Variants in THOC2 observed in about 807,000 individuals in gnomAD.
THOC2 encodes the protein THO complex 2.
In THOC2, 10 loss-of-function variants were observed where a neutral mutation model predicts 128.4. That is an observed-to-expected ratio of 0.08 (90% CI 0.05 to 0.13). The LOEUF (loss-of-function observed/expected upper bound fraction) is 0.13, where lower values mean the gene tolerates loss of function less well. Among genes scored for constraint, THOC2 ranks in the 10% least tolerant of loss-of-function variants. The pLI, the probability that THOC2 is intolerant of heterozygous loss-of-function variation, is 1.00. For missense variants in THOC2, 535 were observed against 1,155.7 expected (o/e 0.46, Z 7.79); for synonymous variants, 393 against 396.9 (o/e 0.99, Z 0.12).
chrX:123,665,554 AT>A lies in THOC2; in HGVS notation c.1386+87del, dbSNP rs1301785336. On this transcript the variant is annotated intron_variant, in intron 12 of 38. Coordinates refer to ENST00000245838, the MANE Select transcript of THOC2 (RefSeq NM_001081550.2). ...TAACCCTTTATTAAATGAGGTTCAT[AT>A]TTTTATTTCTAAAGATACTCATAAC... 6.2e-6 allele frequency: 4 copies of A among 643,769 alleles called. No individual in the cohort carries two copies. The East Asian group carries it at 1.5e-4, about 24-fold the overall frequency. The allele number at this position is 643,769 out of a possible 1,213,427, so 53.1% of individuals were successfully genotyped here.
intron 8 of THOC2, 96 bp downstream of exon 8, chrX:123,686,447 CTGAGA>C (rs1320243829): frequency 7.6e-6 from 5 of 656,296 alleles, no homozygotes; most frequent in Non-Finnish European, 1.1e-5. Context: ...GCTAGAACAC[CTGAGA>C]TGAGACCAAT....
chrX:123,631,187 G>A (rs1159162059), intron 22 of THOC2, among the ~76,000 whole-genome samples: 2 of 111,751 alleles, frequency 1.8e-5, no homozygotes, highest in African/African-American at 6.5e-5. Flanking sequence ...ACCTCTGTCT[G>A]TCAAGAAATC....
chrX:123,697,764 A>G lies in THOC2; in HGVS notation c.275-13T>C, dbSNP rs1234587494. On this transcript the variant is annotated splice_polypyrimidine_tract_variant and intron_variant, in intron 4 of 38. Coordinates refer to ENST00000245838, the MANE Select transcript of THOC2 (RefSeq NM_001081550.2). ...TTTGTCTCAATGTCTATAATGATGA[A>G]GAAGAAAAAAGTTTGATTGATTTGT... The G allele has an allele frequency of 4.6e-6, 4 of 878,570 alleles. No individual in the cohort carries two copies. Among genetic ancestry groups the G allele is most frequent in the Non-Finnish European group, 4.8e-6 (3 of 631,001 alleles). The allele number at this position is 878,570 out of a possible 1,213,427, so 72.4% of individuals were successfully genotyped here.
Position 123,668,166 on chromosome X carries a change from A to G in THOC2, c.1010T>C (p.Val337Ala). The G allele has an allele frequency of 2.5e-6, 3 of 1,178,307 alleles. No homozygotes were observed. The South Asian group carries it at 5.8e-5, about 23-fold the overall frequency. Residue 337 changes from valine (V) to alanine (A), a missense_variant, in exon 10 of 39, where the codon GTA (valine) becomes GCA (alanine). By Grantham distance (64) the Val-to-Ala change is moderately conservative. This residue lies in a region of THOC2 where 197 missense variants were observed against 313.4 expected (regional missense o/e 0.63). Transcript: ENST00000245838. ...CTAGAATGAATTACATACTTTCTCT[A>G]CTTTCTCCTCTTCTTTTTCCTTTTC... Reference protein sequence around the residue: ...EKEKEKEEEKVEKPPDNQKLG... With the variant: ...EKEKEKEEEKAEKPPDNQKLG...
Position 123,697,758 on chromosome X carries a change from T to C in THOC2, c.275-7A>G, listed in dbSNP as rs1175350801. On this transcript the variant is annotated splice_polypyrimidine_tract_variant and splice_region_variant and intron_variant, in intron 4 of 38. Coordinates refer to ENST00000245838, the MANE Select transcript of THOC2 (RefSeq NM_001081550.2). ...AAACAATTTGTCTCAATGTCTATAA[T>C]GATGAAGAAGAAAAAAGTTTGATTG... 2 of 937,635 alleles carry C rather than the reference T, an allele frequency of 2.1e-6. No homozygotes were observed. The highest frequency in any genetic ancestry group is 3.3e-5 in the East Asian group (1 of 30,572). The allele number at this position is 937,635 out of a possible 1,213,427, so 77.3% of individuals were successfully genotyped here.
At chrX:123,715,019 C>CTT (rs368332983) in intron 1 of THOC2, among the ~76,000 whole-genome samples, 5,644 of 83,459 alleles carry the variant, frequency 0.068, 355 homozygotes, top group East Asian at 0.28. Context: ...GCAATAAAGG[C>CTT]TTTTTTTTTT....
intron 12 of THOC2, among the ~76,000 whole-genome samples, chrX:123,651,078 TG>T (rs1178594115): frequency 9.0e-6 from 1 of 111,375 alleles, no homozygotes; most frequent in African/African-American, 3.3e-5. Context: ...CCTCAGGACA[TG>T]CAAAATAATG....
intron 1 of THOC2, among the ~76,000 whole-genome samples, chrX:123,726,732 T>C (rs1413226900): frequency 8.9e-6 from 1 of 112,013 alleles, no homozygotes; most frequent in Non-Finnish European, 1.9e-5. Flanking sequence ...TAATTCTATA[T>C]TGTCAGTCAC....
chrX:123,621,679 AACTT>A (rs2047086700), intron 30 of THOC2, 92 bp from the exon 31 acceptor site: 2 of 710,509 alleles, frequency 2.8e-6, no homozygotes, highest in Admixed American at 7.6e-5. Context: ...GTTTCTTACT[AACTT>A]CAAAAATACT....
At chrX:123,683,493 T>G (rs989905609) in intron 8 of THOC2, among the ~76,000 whole-genome samples, 1 of 111,424 alleles carries the variant, frequency 9.0e-6, no homozygotes, top group Non-Finnish European at 1.9e-5. Flanking sequence ...CTGATTTTCA[T>G]AGCTTTCCTT....
In THOC2 at chrX:123,665,738, G is replaced by A. The variant is rs777449087; in HGVS notation, c.1290C>T (p.Asp430=). ...CAAGGTAACAGAACATATTGAACAC[G>A]TCTCTCCTCAAATCTTCAAAGCTCT... ...QAESFEDLRR[D]VFNMFCYLGP... The change falls in exon 12 of 39, where the codon GAC becomes GAT. Residue 430 remains aspartate, a synonymous_variant. Transcript: ENST00000245838. The A allele has an allele frequency of 7.5e-6, 9 of 1,201,417 alleles. No homozygotes were observed. The highest frequency in any genetic ancestry group is 3.6e-5 in the South Asian group (2 of 54,870).
At chrX:123,710,141 G>A (rs370050593) in intron 2 of THOC2, among the ~76,000 whole-genome samples, 2 of 111,848 alleles carry the variant, frequency 1.8e-5, no homozygotes, top group African/African-American at 6.5e-5. Context: ...TCAAACCAAC[G>A]CCTGCCTGTT....
At chrX:123,690,653 A>G (rs1192111994) in intron 7 of THOC2, among the ~76,000 whole-genome samples, 2 of 112,039 alleles carry the variant, frequency 1.8e-5, no homozygotes, top group East Asian at 5.6e-4. Flanking sequence ...TATTGCAGAC[A>G]TAACTAGGAG....
At chrX:123,663,121 G>A (rs1400681450) in intron 12 of THOC2, among the ~76,000 whole-genome samples, 1 of 111,743 alleles carries the variant, frequency 8.9e-6, no homozygotes, top group Non-Finnish European at 1.9e-5. Flanking sequence ...AAAAACACAT[G>A]CCTCCCAAAA....
intron 37 of THOC2, 163 bp downstream of exon 37, chrX:123,611,277 A>G (rs1378868846): frequency 7.3e-6 from 1 of 136,107 alleles, no homozygotes; most frequent in African/African-American, 3.2e-5. Context: ...CAAGTATCCC[A>G]CTTCCAGATT....
intron 33 of THOC2, among the ~76,000 whole-genome samples, chrX:123,617,130 C>G (rs1243543641): frequency 9.0e-6 from 1 of 110,782 alleles, no homozygotes; most frequent in African/African-American, 3.3e-5. Context: ...TGCTATTAAA[C>G]TTTCTAGACA....
chrX:123,628,033 T>C, intron 22 of THOC2, 65 bp from the exon 23 acceptor site: 5 of 904,354 alleles, frequency 5.5e-6, no homozygotes, highest in Admixed American at 2.8e-5. Flanking sequence ...GCTTTGACTT[T>C]CATGGCATAA....
intron 7 of THOC2, among the ~76,000 whole-genome samples, chrX:123,694,766 G>A (rs769183056): frequency 1.1e-4 from 12 of 111,553 alleles, no homozygotes; most frequent in Non-Finnish European, 2.1e-4. Context: ...ACAACTGGAA[G>A]AAACAACAAA....
chrX:123,638,588 G>A (rs1053329346), intron 17 of THOC2, among the ~76,000 whole-genome samples: 9 of 110,543 alleles, frequency 8.1e-5, no homozygotes, highest in African/African-American at 3.0e-4. Context: ...GAACCCAGGA[G>A]GCGGAGGTTG....
Sources: allele counts gnomAD v4.1 joint callset (sites outside exome capture counted in the v4.1 genomes callset), GRCh38; gene constraint gnomAD v4.1.1; regional missense constraint gnomAD v4.1.1; transcripts MANE v1.5; gene names NCBI Gene and HGNC (gene_info 2026-07-23, HGNC 2026-07-21).